The following FANCC variants were observed in gnomAD, a reference collection of about 807,000 sequenced individuals.
FANCC encodes the protein FA complementation group C.
In FANCC, 55 loss-of-function variants were observed where a neutral mutation model predicts 71.3. The observed-to-expected ratio is 0.77, with a 90% CI of 0.62 to 0.97. FANCC has a LOEUF of 0.97. FANCC is among the 50% of genes least tolerant of loss of function. The pLI is 0.00. For missense variants in FANCC, 678 were observed against 670.9 expected (o/e 1.01, Z -0.12); for synonymous variants, 275 against 244.9 (o/e 1.12, Z -1.15).
At chr9:95,286,497 C>T (rs1833696637) in intron 1 of FANCC, among the ~76,000 whole-genome samples, 1 of 152,226 alleles carries the variant, frequency 6.6e-6, no homozygotes, top group Non-Finnish European at 1.5e-5. Flanking sequence ...CCTAAAAACA[C>T]CTACTATGCA....
At chr9:95,220,710 G>A (rs1474202822) in intron 4 of FANCC, among the ~76,000 whole-genome samples, 1 of 152,008 alleles carries the variant, frequency 6.6e-6, no homozygotes, top group Non-Finnish European at 1.5e-5. Context: ...ACACACCGGG[G>A]CCTGTCATGG....
intron 1 of FANCC, among the ~76,000 whole-genome samples, chr9:95,288,375 G>C (rs909089052): frequency 6.6e-6 from 1 of 152,048 alleles, no homozygotes; most frequent in Non-Finnish European, 1.5e-5. Context: ...AGTTATATAT[G>C]TCAAGGGATT....
At chr9:95,163,742 G>A (rs559898540) in intron 6 of FANCC, among the ~76,000 whole-genome samples, 5 of 152,194 alleles carry the variant, frequency 3.3e-5, no homozygotes, top group Middle Eastern at 3.4e-3. Context: ...CCAGCTACTC[G>A]GGAGGCTGAG....
intron 1 of FANCC, among the ~76,000 whole-genome samples, chr9:95,286,456 C>T (rs1833694693): frequency 6.6e-6 from 1 of 152,122 alleles, no homozygotes. Flanking sequence ...CTGTCATGAC[C>T]GGTATGATTT....
chr9:95,214,246 G>A (rs1828705505), intron 4 of FANCC, among the ~76,000 whole-genome samples: 1 of 152,104 alleles, frequency 6.6e-6, no homozygotes, highest in Non-Finnish European at 1.5e-5. Context: ...GGGGAACAAA[G>A]CAAGACTCTA....
chr9:95,126,518 G>GT lies in FANCC; in HGVS notation c.896+10dup, dbSNP rs1485881592. 1 of 1,612,954 alleles carries GT rather than the reference G, an allele frequency of 6.2e-7. No homozygotes were observed. Among genetic ancestry groups the GT allele is most frequent in the Non-Finnish European group, 8.5e-7 (1 of 1,179,082 alleles). The stretch of plus-strand genomic sequence containing the variant: ...TACATCAATTACTAGAAGAAACAGT[G>GT]TAACGTTTACCTGAACATCTCATCA... On this transcript the variant is annotated intron_variant, in intron 9 of 14. Transcript: ENST00000289081.
chr9:95,314,334 A>T (rs1174970852), intron 1 of FANCC, among the ~76,000 whole-genome samples: 1 of 152,234 alleles, frequency 6.6e-6, no homozygotes, highest in Non-Finnish European at 1.5e-5. Context: ...TGGAGTAGCC[A>T]TTCTTTATTC....
Position 95,213,583 on chromosome 9 carries a change from G to A in FANCC, c.345+27066C>T, listed in dbSNP as rs1480949530. Among the ~76,000 whole-genome samples, 7 of 152,120 alleles carry A rather than the reference G, an allele frequency of 4.6e-5. No homozygotes were observed. The South Asian group carries it at 1.5e-3, about 32-fold the overall frequency. On this transcript the variant is annotated intron_variant, in intron 4 of 14. Coordinates refer to ENST00000289081, the MANE Select transcript of FANCC (RefSeq NM_000136.3). ...GACAGCCTTTGCAACAAATGATGGT[G>A]GGAAATTCTGACTATCCATATGGAA...
intron 3 of FANCC, among the ~76,000 whole-genome samples, chr9:95,246,012 T>G (rs1830951646): frequency 6.6e-6 from 1 of 152,212 alleles, no homozygotes; most frequent in African/African-American, 2.4e-5. Flanking sequence ...TGCCATTGTA[T>G]GCATTTTTTC....
At chr9:95,239,769 G>C (rs1435255922) in intron 4 of FANCC, among the ~76,000 whole-genome samples, 1 of 152,052 alleles carries the variant, frequency 6.6e-6, no homozygotes, top group Non-Finnish European at 1.5e-5. Context: ...TCATCTGTTA[G>C]CAATTTTGTC....
intron 1 of FANCC, among the ~76,000 whole-genome samples, chr9:95,250,881 C>T (rs1285828080): frequency 6.6e-6 from 1 of 152,240 alleles, no homozygotes; most frequent in Non-Finnish European, 1.5e-5. Flanking sequence ...GAGACCAGCA[C>T]ATTCCCCTGG....
intron 1 of FANCC, among the ~76,000 whole-genome samples, chr9:95,305,498 T>A (rs574729595): frequency 6.6e-6 from 1 of 152,302 alleles, no homozygotes; most frequent in East Asian, 1.9e-4. Flanking sequence ...TAGAATAAAA[T>A]TCCTTCCCTA....
At chr9:95,187,228 A>C (rs756825377) in intron 4 of FANCC, among the ~76,000 whole-genome samples, 22 of 152,156 alleles carry the variant, frequency 1.4e-4, no homozygotes, top group Admixed American at 5.9e-4. Context: ...CTCCCATCTG[A>C]TGCTGCTGTA....
chr9:95,198,601 C>T (rs1265903955), intron 4 of FANCC, among the ~76,000 whole-genome samples: 1 of 152,206 alleles, frequency 6.6e-6, no homozygotes, highest in East Asian at 1.9e-4. Context: ...CCTCCTCTAA[C>T]AGCCTGAATT....
intron 4 of FANCC, among the ~76,000 whole-genome samples, chr9:95,232,644 C>T (rs1160251943): frequency 6.6e-6 from 1 of 152,102 alleles, no homozygotes; most frequent in Admixed American, 6.5e-5. Context: ...AATGTTATCT[C>T]AAAACACTCC....
chr9:95,175,332 G>A (rs1029670870), intron 4 of FANCC, among the ~76,000 whole-genome samples: 1 of 152,070 alleles, frequency 6.6e-6, no homozygotes, highest in Non-Finnish European at 1.5e-5. Context: ...CCAGTAATAT[G>A]TACTACATGA....
chr9:95,300,191 C>T (rs987086390), intron 1 of FANCC, among the ~76,000 whole-genome samples: 1 of 152,164 alleles, frequency 6.6e-6, no homozygotes. Flanking sequence ...CTCACCTCAG[C>T]CTTCTATCTC....
intron 1 of FANCC, among the ~76,000 whole-genome samples, chr9:95,308,857 G>T (rs1176303166): frequency 6.6e-6 from 1 of 152,050 alleles, no homozygotes. Context: ...ATATTTTTAA[G>T]GGCAGGCACA....
intron 4 of FANCC, among the ~76,000 whole-genome samples, chr9:95,210,781 AT>A (rs1828448421): frequency 6.6e-6 from 1 of 152,284 alleles, no homozygotes; most frequent in Admixed American, 6.5e-5. Flanking sequence ...ATGCCCAACA[AT>A]TTGTTTCAAC....
Sources: allele counts gnomAD v4.1 joint callset (sites outside exome capture counted in the v4.1 genomes callset), GRCh38; gene constraint gnomAD v4.1.1; transcripts MANE v1.5; gene names NCBI Gene and HGNC (gene_info 2026-07-23, HGNC 2026-07-21).